Variants in TACC3 observed in about 807,000 individuals in gnomAD.
The protein encoded by TACC3 is transforming acidic coiled-coil containing protein 3.
In TACC3, 52 loss-of-function variants were observed where a neutral mutation model predicts 86.0. The ratio of observed to expected loss-of-function variants is 0.60; its 90% CI spans 0.48 to 0.76. The LOEUF is 0.76. TACC3 is among the 30% of genes least tolerant of loss of function. The pLI is 0.00. For synonymous variants in TACC3, 512 were observed against 430.0 expected (o/e 1.19, Z -2.36); for missense variants, 1,120 against 1,070.4 (o/e 1.05, Z -0.65).
chr4:1,737,065 G>A (rs1718308422), intron 8 of TACC3, among the ~76,000 whole-genome samples, 176 bp from the exon 9 acceptor site: 2 of 152,218 alleles, frequency 1.3e-5, no homozygotes, highest in African/African-American at 4.8e-5. Context: ...GGGGGGCACG[G>A]AGCAGCAGAG....
intron 4 of TACC3, among the ~76,000 whole-genome samples, chr4:1,729,398 C>T (rs1039876403): frequency 6.6e-6 from 1 of 152,014 alleles, no homozygotes; most frequent in Non-Finnish European, 1.5e-5. Context: ...CACCAAGGCA[C>T]GGAGATCGGT....
chr4:1,736,524 C>G (rs1307576711), intron 8 of TACC3, among the ~76,000 whole-genome samples: 1 of 151,582 alleles, frequency 6.6e-6, no homozygotes, highest in East Asian at 1.9e-4. Context: ...TTTATCGTCA[C>G]AGAGCCATGC....
At position 1,730,958 on chromosome 4, in the gene TACC3, G is replaced by C. The variant is rs565679658; in HGVS notation, c.1457G>C (p.Ser486Thr). The C allele has an allele frequency of 6.2e-7, 1 of 1,613,480 alleles. No homozygotes were observed. Among genetic ancestry groups the C allele is most frequent in the East Asian group, 2.2e-5 (1 of 44,892 alleles). ...GCAGCCGAGACCCCAACAGCAGAGA[G>C]CAAGGTAAGGGGTGCTTGTGTGGGT... The part of the protein sequence containing the change: ...QLAAETPTAE[S>T]KERALNSAST... Residue 486 changes from serine (S) to threonine (T), a missense_variant, in exon 5 of 16, where the codon AGC becomes ACC. Ser to Thr is a moderately conservative substitution (Grantham distance 58). Coordinates refer to ENST00000313288, the MANE Select transcript of TACC3 (RefSeq NM_006342.3).
At position 1,735,499 on chromosome 4, in the gene TACC3, G is replaced by A. The variant is rs1477957628; in HGVS notation, c.1644+174G>A. On this transcript the variant is annotated intron_variant, in intron 7 of 15. Transcript: ENST00000313288. This position sits in a 1 kb window ranked among gnomAD's most constrained non-coding sequence, Gnocchi z 4.2. ...CCTTCTGCAGCACCTCCTCTAAGTG[G>A]TGTCCTGTGGCAGGGCTCTAGGGCT... Among the ~76,000 whole-genome samples the A allele has an allele frequency of 2.6e-5, 4 of 152,180 alleles. No individual in the cohort carries two copies. Among genetic ancestry groups the A allele is most frequent in the South Asian group, 2.1e-4 (1 of 4,828 alleles).
chr4:1,720,878 CG>C, upstream of TACC3: 1 of 1,531,378 alleles, frequency 6.5e-7, no homozygotes, highest in Non-Finnish European at 8.8e-7. This position sits in a 1 kb window ranked among gnomAD's most constrained non-coding sequence, Gnocchi z 4.4. Context: ...GCCCCCGCCC[CG>C]GCGCGCGGAC....
At position 1,726,957 on chromosome 4, in the gene TACC3, T is replaced by G. The variant is rs998771688; in HGVS notation, c.306-751T>G. Reference sequence around the variant, plus strand: ...GGCTGACCAACATGATGAAAACCTGTCTCTACTAAAAATACAAAACAAAAT... The same window carrying G: ...GGCTGACCAACATGATGAAAACCTGGCTCTACTAAAAATACAAAACAAAAT... On this transcript the variant is annotated intron_variant, in intron 3 of 15. Coordinates refer to ENST00000313288, the MANE Select transcript of TACC3 (RefSeq NM_006342.3). Among the ~76,000 whole-genome samples, 12 of 152,122 alleles carry G rather than the reference T, an allele frequency of 7.9e-5. No individual in the cohort carries two copies. The East Asian group carries it at 2.3e-3, about 29-fold the overall frequency.
chr4:1,723,105 G>T, intron 1 of TACC3: 1 of 341,690 alleles, frequency 2.9e-6, no homozygotes, highest in Non-Finnish European at 5.5e-6. Flanking sequence ...TAGTAATACA[G>T]CAGTAGAGAT....
At chr4:1,730,779 G>A in intron 4 of TACC3, 108 bp from the exon 5 acceptor site, 1 of 1,253,634 alleles carries the variant, frequency 8.0e-7, no homozygotes, top group South Asian at 1.2e-5. Context: ...ATGTTCACGT[G>A]GCCGGCACAG....
Position 1,737,228 on chromosome 4 carries a change from T to G in TACC3, c.1749-13T>G. ...AGGGCCTAGTGACTGAGGCTGCCTC[T>G]GCTTGGTGGCAGCATGCACGGTGCA... On this transcript the variant is annotated splice_polypyrimidine_tract_variant and intron_variant, in intron 8 of 15. Transcript: ENST00000313288. 6.2e-7 allele frequency: 1 copy of G among 1,612,480 alleles called. No homozygotes were observed.
intron 4 of TACC3, 103 bp downstream of exon 4, chr4:1,728,890 G>T (rs548440335): frequency 6.7e-6 from 8 of 1,201,896 alleles, no homozygotes; most frequent in Middle Eastern, 2.9e-4. Context: ...ACTCCTTTGA[G>T]GCCGGGTAGG....
chr4:1,720,971 T>C (rs1429800594), upstream of TACC3: 1 of 385,812 alleles, frequency 2.6e-6, no homozygotes, highest in Admixed American at 5.0e-5. This position sits in a 1 kb window ranked among gnomAD's most constrained non-coding sequence, Gnocchi z 4.4. Flanking sequence ...GGACATGGAG[T>C]CCCGCCGCCC....
chr4:1,744,637 C>A lies in TACC3; in HGVS notation c.2330+13C>A. On this transcript the variant is annotated intron_variant, in intron 14 of 15. Transcript: ENST00000313288. ...AGAAGCTGCAGCTGTGAGTGCTGGG[C>A]GAGGCCCCACCCTGGAGGGAGAATC... 1 of 1,612,602 alleles carries A rather than the reference C, an allele frequency of 6.2e-7. No individual in the cohort carries two copies. The highest frequency in any genetic ancestry group is 1.3e-5 in the African/African-American group (1 of 75,070).
intron 3 of TACC3, among the ~76,000 whole-genome samples, chr4:1,726,919 G>A (rs1717716616): frequency 1.3e-5 from 2 of 152,138 alleles, no homozygotes; most frequent in Admixed American, 6.5e-5. Context: ...CTAAGGTCAG[G>A]AGTTTGAGAC....
At chr4:1,733,838 T>A (rs1718122300) in intron 6 of TACC3, among the ~76,000 whole-genome samples, 1 of 151,732 alleles carries the variant, frequency 6.6e-6, no homozygotes, top group Admixed American at 6.6e-5. Context: ...ATTAGCTGGG[T>A]GTGTTGGCAC....
chr4:1,725,056 G>A (rs1322526692), intron 3 of TACC3, among the ~76,000 whole-genome samples: 6 of 151,274 alleles, frequency 4.0e-5, no homozygotes, highest in South Asian at 2.1e-4. Context: ...CTCAGCCTCC[G>A]AGTAGCTGGG....
At chr4:1,734,205 C>T (rs549185537) in intron 6 of TACC3, among the ~76,000 whole-genome samples, 9 of 152,060 alleles carry the variant, frequency 5.9e-5, no homozygotes, top group African/African-American at 1.7e-4. Context: ...GTTTTTTTCC[C>T]GAGACGGAGT....
intron 13 of TACC3, chr4:1,741,330 G>A (rs7677241): frequency 0.017 from 3,011 of 179,268 alleles, 116 homozygotes; most frequent in African/African-American, 0.066. Flanking sequence ...TGGGCTGTCC[G>A]AGCGCTTGGG....
intron 6 of TACC3, among the ~76,000 whole-genome samples, chr4:1,732,481 G>A (rs369452369): frequency 3.3e-5 from 5 of 151,402 alleles, no homozygotes; most frequent in South Asian, 2.1e-4. Context: ...AAGGTGGAAC[G>A]GTCCTTAAAT....
At chr4:1,739,562 C>T in intron 10 of TACC3, 140 bp from the exon 11 acceptor site, 3 of 765,782 alleles carry the variant, frequency 3.9e-6, no homozygotes, top group East Asian at 2.7e-5. Flanking sequence ...CCCAGGGTCC[C>T]ACTGGAAGCC....
Sources: gnomAD v4.1 joint callset for allele counts (sites outside exome capture counted in the v4.1 genomes callset) on GRCh38, gnomAD v4.1.1 for gene constraint, Gnocchi (gnomAD v3.1) non-coding constraint, MANE v1.5 for transcripts, NCBI Gene and HGNC (gene_info 2026-07-23, HGNC 2026-07-21) for gene names.